Variants in BEST1 observed in about 807,000 individuals in gnomAD.
BEST1 encodes the protein bestrophin-1.
Under a neutral mutation model 63.3 loss-of-function variants are expected in BEST1, and 58 were observed. That is an observed-to-expected ratio of 0.92 (90% CI 0.74 to 1.14). BEST1 has a LOEUF of 1.14. Among genes scored for constraint, BEST1 ranks in the 50% most tolerant of loss-of-function variants. BEST1 has a pLI of 0.00. For synonymous variants in BEST1, 283 were observed against 291.6 expected, an observed-to-expected ratio of 0.97 and a Z score of 0.30; for missense variants, 671 against 740.1, an observed-to-expected ratio of 0.91 and a Z score of 1.08.
downstream of BEST1, chr11:61,964,558 C>G (rs1274893074): frequency 1.0e-5 from 8 of 793,474 alleles, no homozygotes; most frequent in Admixed American, 1.6e-4. Flanking sequence ...ACCTCAAAGA[C>G]AACACCTGGG....
At chr11:61,955,466 G>A in intron 3 of BEST1, 1 of 1,296,592 alleles carries the variant, frequency 7.7e-7, no homozygotes, top group Non-Finnish European at 1.0e-6. Context: ...GAGCCCCTGC[G>A]CGGGAGGGGA....
At position 61,962,728 on chromosome 11, in the gene BEST1, A is replaced by G; in HGVS notation, c.1574A>G (p.Glu525Gly). 6.2e-7 allele frequency: 1 copy of G among 1,614,210 alleles called. No homozygotes were observed. The highest frequency in any genetic ancestry group is 8.5e-7 in the Non-Finnish European group (1 of 1,180,026). ...TCAGAGAGCGATGGGGCCTTGATGG[A>G]GCACCCAGAAGTATCTCAAGTGAGG... ...LLSESDGALM[E>G]HPEVSQVRRK... Residue 525 changes from glutamate to glycine, a missense_variant, in exon 10 of 11, where the codon GAG becomes GGG. Transcript: ENST00000378043.
downstream of BEST1, chr11:61,964,494 C>T (rs965904233): frequency 9.6e-6 from 6 of 627,840 alleles, no homozygotes; most frequent in Non-Finnish European, 1.7e-5. Flanking sequence ...AACTGAACAA[C>T]GGCACTTAAG....
rs28940273 is a variant in BEST1 at position 61,955,749 on chromosome 11, G to C, written c.279G>C (p.Trp93Cys). Reference protein sequence around the residue: ...GFYVTLVVTRWWNQYENLPWP... With the variant: ...GFYVTLVVTRCWNQYENLPWP... ...ACGTGACGCTGGTCGTGACCCGCTGGTGGAACCAGTACGAGAACCTGCCGT... is the reference window on the plus strand; with the variant it reads ...ACGTGACGCTGGTCGTGACCCGCTGCTGGAACCAGTACGAGAACCTGCCGT... Residue 93 changes from tryptophan to cysteine, a missense_variant, in exon 4 of 11, where the codon TGG becomes TGC. By Grantham distance (215) the Trp-to-Cys change is radical. Transcript: ENST00000378043. The C allele has an allele frequency of 1.3e-6, 2 of 1,548,674 alleles. No individual in the cohort carries two copies. The highest frequency in any genetic ancestry group is 8.7e-7 in the Non-Finnish European group (1 of 1,146,822).
chr11:61,956,204 A>G (rs566462064), intron 4 of BEST1, among the ~76,000 whole-genome samples: 1 of 151,686 alleles, frequency 6.6e-6, no homozygotes, highest in East Asian at 2.0e-4. Context: ...CTTGAGGGAT[A>G]ATGGAAAGAA....
At chr11:61,961,945 G>T (rs1942106800) in intron 9 of BEST1, 1 of 420,608 alleles carries the variant, frequency 2.4e-6, no homozygotes, top group East Asian at 4.7e-5. Flanking sequence ...TGACTGCCTG[G>T]AGTGAGGGGT....
downstream of BEST1, chr11:61,964,571 C>A: frequency 1.2e-6 from 1 of 868,192 alleles, no homozygotes; most frequent in Non-Finnish European, 1.8e-6. Flanking sequence ...CACCTGGGTA[C>A]CAAATTTCTT....
At chr11:61,965,154 G>C (rs1242428746), downstream of BEST1, 1 of 1,602,240 alleles carries the variant, frequency 6.2e-7, no homozygotes, top group Non-Finnish European at 8.5e-7. Flanking sequence ...AACTAACCTA[G>C]AAGTCAGCAA....
intron 2 of BEST1, among the ~76,000 whole-genome samples, chr11:61,954,462 C>G (rs571085376): frequency 2.6e-5 from 4 of 152,272 alleles, no homozygotes; most frequent in African/African-American, 9.6e-5. Flanking sequence ...CTCATTAAAG[C>G]CAAACACTCT....
intron 3 of BEST1, chr11:61,955,427 T>C: frequency 7.1e-7 from 1 of 1,415,448 alleles, no homozygotes; most frequent in Non-Finnish European, 9.3e-7. Flanking sequence ...CCCCATTTTC[T>C]GAGGGAAGCG....
chr11:61,962,887 A>G lies in BEST1; in HGVS notation c.1733A>G (p.Glu578Gly), dbSNP rs1800010. 6.2e-7 allele frequency: 1 copy of G among 1,614,084 alleles called. No individual in the cohort carries two copies. The highest frequency in any genetic ancestry group is 8.5e-7 in the Non-Finnish European group (1 of 1,180,040). Residue 578 changes from glutamate to glycine, a missense_variant, in exon 10 of 11, where the codon GAA becomes GGA. Glu to Gly is a moderately conservative substitution (Grantham distance 98, BLOSUM62 -2). Coordinates refer to ENST00000378043, the MANE Select transcript of BEST1 (RefSeq NM_004183.4). ...KDHMDPYWAL[E>G]NRDEAHS The stretch of plus-strand genomic sequence containing the variant: ...CACATGGATCCTTATTGGGCCTTGG[A>G]AAACAGGTCTGTCCTCCACCTGAAC...
chr11:61,952,251 C>T (rs549971998), intron 2 of BEST1, among the ~76,000 whole-genome samples: 2 of 151,998 alleles, frequency 1.3e-5, no homozygotes, highest in Non-Finnish European at 2.9e-5. Context: ...ACTCAACTGG[C>T]CTGTTTTACT....
downstream of BEST1, chr11:61,964,563 C>A (rs3180123): frequency 2.4e-6 from 2 of 822,872 alleles, no homozygotes; most frequent in African/African-American, 1.7e-5. Context: ...AAAGACAACA[C>A]CTGGGTACCA....
At chr11:61,958,694 A>G (rs1941673147) in intron 7 of BEST1, 1 of 468,730 alleles carries the variant, frequency 2.1e-6, no homozygotes, top group Non-Finnish European at 3.9e-6. Flanking sequence ...TGGCTTGTCC[A>G]GGTATTCCCT....
At chr11:61,958,872 T>C (rs1452330984) in intron 7 of BEST1, 1 of 254,620 alleles carries the variant, frequency 3.9e-6, no homozygotes, top group East Asian at 1.0e-4. Context: ...CCTGTCACTG[T>C]GACACACACA....
chr11:61,962,385 A>G lies in BEST1; in HGVS notation c.1231A>G (p.Lys411Glu), dbSNP rs1374775637. 1.9e-6 allele frequency: 3 copies of G among 1,614,090 alleles called. No homozygotes were observed. The highest frequency in any genetic ancestry group is 1.3e-5 in the African/African-American group (1 of 74,928). Residue 411 changes from lysine to glutamate, a missense_variant, in exon 10 of 11, where the codon AAA becomes GAA. Transcript: ENST00000378043. ...TCCTCCCAGGGCAAACTCAAGGACC[A>G]AACTACTGTGGCCCAAGAGGGAATC... ...HHPPRANSRT[K>E]LLWPKRESLL...
intron 2 of BEST1, among the ~76,000 whole-genome samples, chr11:61,953,026 C>T (rs1940876511): frequency 6.6e-6 from 1 of 152,068 alleles, no homozygotes. Context: ...TGGCTGAAGC[C>T]TGTGAGGTCG....
In BEST1 at chr11:61,950,564, G is replaced by A. The variant is rs2736597; in HGVS notation, c.-37+137G>A. On this transcript the variant is annotated intron_variant, in intron 1 of 10. Coordinates refer to ENST00000378043, the MANE Select transcript of BEST1 (RefSeq NM_004183.4). ...GGTGTGTGGGCACCTGTGTGTCTGT[G>A]CAAATGCCCTGAGGTGGGAATGAGC... The A allele has an allele frequency of 0.49, 74,703 of 152,202 alleles. 21,286 individuals carry two copies. Among genetic ancestry groups the A allele is most frequent in the East Asian group, 0.91 (4,710 of 5,172 alleles). 9.4% of individuals were successfully genotyped at this position (152,202 alleles called of 1,614,324 possible).
At chr11:61,963,949 A>T in intron 10 of BEST1, 155 bp from the exon 11 acceptor site, 2 of 1,474,376 alleles carry the variant, frequency 1.4e-6, no homozygotes, top group Admixed American at 4.3e-5. Flanking sequence ...AGTGAGATTG[A>T]GCAACTGCAA....
Sources: gnomAD v4.1 joint callset for allele counts (sites outside exome capture counted in the v4.1 genomes callset) on GRCh38, gnomAD v4.1.1 for gene constraint, MANE v1.5 for transcripts, NCBI Gene and HGNC (gene_info 2026-07-23, HGNC 2026-07-21) for gene names.